Variants in CTNNA3 observed in about 807,000 individuals in gnomAD.
CTNNA3 encodes the protein catenin alpha 3, also known as catenin alpha-3.
Under a neutral mutation model 95.7 loss-of-function variants are expected in CTNNA3, and 76 were observed. The ratio of observed to expected loss-of-function variants is 0.79; its 90% CI spans 0.66 to 0.96. The LOEUF (loss-of-function observed/expected upper bound fraction) is 0.96, where lower values mean the gene tolerates loss of function less well. Ranked by LOEUF, CTNNA3 falls within the 40% of genes least tolerant of loss-of-function variation. The pLI is 0.00. For synonymous variants in CTNNA3, 431 were observed against 374.4 expected, an observed-to-expected ratio of 1.15 and a Z score of -1.74; for missense variants, 1,191 against 1,089.8, an observed-to-expected ratio of 1.09 and a Z score of -1.31.
chr10:67,000,870 A>T (rs1851645830), intron 7 of CTNNA3, among the ~76,000 whole-genome samples: 1 of 152,178 alleles, frequency 6.6e-6, no homozygotes, highest in Non-Finnish European at 1.5e-5. Flanking sequence ...GTCTAGCCAA[A>T]GTCAATTACT....
At chr10:66,722,470 C>T (rs1343442914) in intron 9 of CTNNA3, among the ~76,000 whole-genome samples, 1 of 151,664 alleles carries the variant, frequency 6.6e-6, no homozygotes, top group African/African-American at 2.4e-5. Flanking sequence ...ATAGATTTTC[C>T]TGAGTGTAAG....
At chr10:66,479,600 A>AT (rs1346479196) in intron 11 of CTNNA3, among the ~76,000 whole-genome samples, 1 of 151,964 alleles carries the variant, frequency 6.6e-6, no homozygotes, top group African/African-American at 2.4e-5. Flanking sequence ...AAATAATTAT[A>AT]TTTTCTTTCA....
intron 9 of CTNNA3, among the ~76,000 whole-genome samples, chr10:66,760,573 G>A (rs766605977): frequency 2.6e-5 from 4 of 151,824 alleles, no homozygotes; most frequent in East Asian, 3.9e-4. Flanking sequence ...TCTTTTCTCC[G>A]AATTCTAAGA....
intron 9 of CTNNA3, among the ~76,000 whole-genome samples, chr10:66,684,004 T>A (rs1332887475): frequency 6.6e-6 from 1 of 152,166 alleles, no homozygotes; most frequent in Non-Finnish European, 1.5e-5. Context: ...ATGGTAAAGT[T>A]TATTTCAGGG....
chr10:66,501,888 A>T (rs114331184), intron 11 of CTNNA3, among the ~76,000 whole-genome samples: 1,619 of 152,172 alleles, frequency 0.011, 31 homozygotes, highest in African/African-American at 0.038. Context: ...AATAGTAAAA[A>T]CCTGAGAAAG....
chr10:66,136,868 C>G (rs1303688309), intron 13 of CTNNA3, among the ~76,000 whole-genome samples: 1 of 151,978 alleles, frequency 6.6e-6, no homozygotes, highest in African/African-American at 2.4e-5. Flanking sequence ...GTCGCCCAGG[C>G]TGAAGGGCAG....
At chr10:66,028,534 G>A (rs1589266454) in intron 15 of CTNNA3, among the ~76,000 whole-genome samples, 1 of 151,198 alleles carries the variant, frequency 6.6e-6, no homozygotes, top group African/African-American at 2.4e-5. Flanking sequence ...TCATAGGTGG[G>A]AATTGAACAA....
At position 67,077,053 on chromosome 10, in the gene CTNNA3, A is replaced by T. The variant is rs10997495; in HGVS notation, c.1047+103264T>A. Reference sequence around the variant, plus strand: ...TATTTGTGCATCCAGAAATCTAAACATTCCTCTGAGACCTCCTAATCCCTT... The same window carrying T: ...TATTTGTGCATCCAGAAATCTAAACTTTCCTCTGAGACCTCCTAATCCCTT... On this transcript the variant is annotated intron_variant, in intron 7 of 17. Transcript: ENST00000433211. 2.1e-3 allele frequency among the ~76,000 whole-genome samples: 317 copies of T among 152,200 alleles called. 11 individuals carry two copies. In the East Asian group the frequency reaches 0.052, roughly 25 times the overall value.
chr10:66,791,620 T>C (rs1840971970), intron 7 of CTNNA3, among the ~76,000 whole-genome samples: 1 of 152,208 alleles, frequency 6.6e-6, no homozygotes, highest in Admixed American at 6.5e-5. Context: ...CCAATAGATA[T>C]GAAAATACTA....
intron 10 of CTNNA3, among the ~76,000 whole-genome samples, chr10:66,606,687 T>C (rs1391335179): frequency 4.6e-5 from 7 of 152,202 alleles, no homozygotes; most frequent in Non-Finnish European, 1.0e-4. Context: ...GGGTAAATAA[T>C]GAAATTAAGG....
chr10:67,564,745 G>A (rs1326024314), intron 3 of CTNNA3, among the ~76,000 whole-genome samples: 14 of 101,024 alleles, frequency 1.4e-4, no homozygotes, highest in African/African-American at 4.7e-4. Flanking sequence ...GTTTTATATC[G>A]TGATGCAAGG....
intron 13 of CTNNA3, among the ~76,000 whole-genome samples, chr10:66,219,413 C>G (rs936608581): frequency 1.3e-5 from 2 of 151,990 alleles, no homozygotes; most frequent in Non-Finnish European, 2.9e-5. Context: ...TCTATGTGAC[C>G]AATAGAATAT....
At chr10:67,690,641 T>C (rs116157567) in intron 1 of CTNNA3, among the ~76,000 whole-genome samples, 1 of 152,192 alleles carries the variant, frequency 6.6e-6, no homozygotes. Flanking sequence ...AGAGCACTGA[T>C]TGGTGCATTT....
chr10:66,242,432 G>T (rs1328113077), intron 13 of CTNNA3, among the ~76,000 whole-genome samples: 1 of 152,062 alleles, frequency 6.6e-6, no homozygotes. Flanking sequence ...TATATTGACA[G>T]TACGCATATT....
intron 2 of CTNNA3, among the ~76,000 whole-genome samples, chr10:67,641,920 A>G (rs995362397): frequency 1.3e-5 from 2 of 152,168 alleles, no homozygotes; most frequent in Non-Finnish European, 2.9e-5. Context: ...TGACAAGTTA[A>G]TGGGTGCAGC....
chr10:67,592,899 C>T (rs1842830644), intron 3 of CTNNA3, among the ~76,000 whole-genome samples: 1 of 152,074 alleles, frequency 6.6e-6, no homozygotes, highest in African/African-American at 2.4e-5. Context: ...GTTTGGGGTA[C>T]AAATTATTTC....
At chr10:66,977,463 A>G (rs1850116792) in intron 7 of CTNNA3, among the ~76,000 whole-genome samples, 1 of 151,966 alleles carries the variant, frequency 6.6e-6, no homozygotes, top group Admixed American at 6.6e-5. Context: ...TAAAGATCAT[A>G]TGATATGACC....
At chr10:66,412,249 A>C (rs1169945718) in intron 11 of CTNNA3, among the ~76,000 whole-genome samples, 1 of 152,168 alleles carries the variant, frequency 6.6e-6, no homozygotes, top group Non-Finnish European at 1.5e-5. Context: ...AGCATCTTAA[A>C]AGAGAGATTC....
chr10:67,200,730 G>T (rs752842497), intron 6 of CTNNA3, among the ~76,000 whole-genome samples: 6 of 152,060 alleles, frequency 3.9e-5, no homozygotes, highest in Non-Finnish European at 7.4e-5. Flanking sequence ...ACTCCCTAAA[G>T]CCCAAAAGAC....
Sources: allele counts gnomAD v4.1 joint callset (sites outside exome capture counted in the v4.1 genomes callset), GRCh38; gene constraint gnomAD v4.1.1; transcripts MANE v1.5; gene names NCBI Gene and HGNC (gene_info 2026-07-23, HGNC 2026-07-21).